RNF144A: variants seen among roughly 807,000 people sequenced by gnomAD.
The protein encoded by RNF144A is ring finger protein 144A, also known as E3 ubiquitin-protein ligase RNF144A.
RNF144A carries 11 observed loss-of-function variants against 38.7 expected under a neutral mutation model. The observed-to-expected ratio is 0.28, with a 90% CI of 0.18 to 0.47. The LOEUF (loss-of-function observed/expected upper bound fraction) is 0.47, where lower values mean the gene tolerates loss of function less well. Among genes scored for constraint, RNF144A ranks in the 20% least tolerant of loss-of-function variants. RNF144A has a pLI of 0.99. For synonymous variants in RNF144A, 149 were observed against 143.9 expected (o/e 1.04, Z -0.25); for missense variants, 316 against 377.2 (o/e 0.84, Z 1.34).
intron 6 of RNF144A, among the ~76,000 whole-genome samples, chr2:7,058,698 A>AT (rs1209109861): frequency 1.3e-5 from 2 of 152,142 alleles, no homozygotes; most frequent in Non-Finnish European, 2.9e-5. Context: ...TATGTCAGAG[A>AT]TTTTTATATT....
intron 2 of RNF144A, among the ~76,000 whole-genome samples, chr2:6,963,015 C>T (rs771921383): frequency 6.6e-6 from 1 of 152,206 alleles, no homozygotes; most frequent in Non-Finnish European, 1.5e-5. Flanking sequence ...TGAAGTCGTA[C>T]TTGGACTAGA....
downstream of RNF144A, among the ~76,000 whole-genome samples, chr2:7,070,488 G>T (rs936053199): frequency 3.3e-5 from 5 of 152,184 alleles, no homozygotes; most frequent in Non-Finnish European, 7.3e-5. Flanking sequence ...GCCTGTTGGG[G>T]ATTAAATTGT....
chr2:7,056,474 G>T (rs1046600491), intron 6 of RNF144A, among the ~76,000 whole-genome samples: 1 of 152,086 alleles, frequency 6.6e-6, no homozygotes. Context: ...ATATGTCAAT[G>T]CACTGATTTA....
intron 1 of RNF144A, among the ~76,000 whole-genome samples, chr2:6,932,199 A>G (rs1665249401): frequency 6.6e-6 from 1 of 151,982 alleles, no homozygotes; most frequent in Non-Finnish European, 1.5e-5. Context: ...TCTTGCTTTG[A>G]ACTCTGCTTT....
chr2:6,990,535 A>G (rs1445926667), intron 2 of RNF144A, among the ~76,000 whole-genome samples: 1 of 137,750 alleles, frequency 7.3e-6, no homozygotes, highest in East Asian at 2.0e-4. Context: ...ATATATTGCT[A>G]TGTATATATA....
intron 1 of RNF144A, among the ~76,000 whole-genome samples, chr2:6,920,822 C>G (rs186025584): frequency 6.6e-6 from 1 of 152,244 alleles, no homozygotes; most frequent in Admixed American, 6.5e-5. Flanking sequence ...ATTGAAGCCA[C>G]TGCTCACATA....
intron 1 of RNF144A, among the ~76,000 whole-genome samples, chr2:6,919,815 G>C (rs1368911738): frequency 1.3e-5 from 2 of 152,220 alleles, no homozygotes; most frequent in African/African-American, 4.8e-5. Flanking sequence ...TCTAATGTCA[G>C]CAACTCTGGA....
At chr2:7,002,817 A>C (rs1670197193) in intron 3 of RNF144A, among the ~76,000 whole-genome samples, 1 of 152,192 alleles carries the variant, frequency 6.6e-6, no homozygotes. Flanking sequence ...TTTAGGAGGC[A>C]TCAGAAGAAG....
In RNF144A at chr2:7,040,516, T is replaced by C; in HGVS notation, c.*756T>C. On this transcript the variant is annotated 3_prime_UTR_variant, in exon 9 of 9. Transcript: ENST00000320892. ...GTTTAAAGGAACATCTCATCTCCAT[T>C]AGATTTGCCTTTTGTTGTTTTCTCT... is the stretch of plus-strand genomic sequence containing the variant. 1 of 985,416 alleles carries C rather than the reference T, an allele frequency of 1.0e-6. No homozygotes were observed. The highest frequency in any genetic ancestry group is 1.2e-6 in the Non-Finnish European group (1 of 829,908). 61.0% of individuals were successfully genotyped at this position (985,416 alleles called of 1,614,324 possible).
At chr2:6,970,940 C>T (rs1667966748) in intron 2 of RNF144A, among the ~76,000 whole-genome samples, 1 of 152,220 alleles carries the variant, frequency 6.6e-6, no homozygotes, top group Non-Finnish European at 1.5e-5. Context: ...AAGTCATGTG[C>T]AAAACTAAAC....
intron 2 of RNF144A, among the ~76,000 whole-genome samples, chr2:6,995,300 C>T (rs1325339951): frequency 4.0e-5 from 6 of 151,408 alleles, no homozygotes; most frequent in South Asian, 2.1e-4. Flanking sequence ...TGGCACACAG[C>T]GGCATCGTCA....
At position 7,014,769 on chromosome 2, in the gene RNF144A, A is replaced by C; in HGVS notation, c.298A>C (p.Arg100=). The C allele has an allele frequency of 6.2e-7, 1 of 1,608,968 alleles. No individual in the cohort carries two copies. The highest frequency in any genetic ancestry group is 1.7e-5 in the Admixed American group (1 of 60,032). ...MQRYKKLQFE[R]EVLFDPCRTW... Reference sequence around the variant, plus strand: ...AAGATATAAAAAGCTACAATTTGAAAGAGGTAGGTGCCTGGTATATCTGCC... The same window carrying C: ...AAGATATAAAAAGCTACAATTTGAACGAGGTAGGTGCCTGGTATATCTGCC... The change falls in exon 5 of 9, where the codon AGA becomes CGA. Residue 100 remains arginine (R), a synonymous_variant. Transcript: ENST00000320892.
At chr2:7,027,539 A>C (rs1427696114) in intron 7 of RNF144A, among the ~76,000 whole-genome samples, 1 of 152,168 alleles carries the variant, frequency 6.6e-6, no homozygotes, top group African/African-American at 2.4e-5. Context: ...AAACTCTAAA[A>C]ACCACATCTT....
At chr2:7,055,299 TTTCACACACTGAATGGTTCATG>T (rs1673696352) in intron 6 of RNF144A, among the ~76,000 whole-genome samples, 1 of 152,204 alleles carries the variant, frequency 6.6e-6, no homozygotes, top group South Asian at 2.1e-4. Context: ...TGAGCTGCAG[TTTCACACACTGAATGGTTCATG>T]CTCAGTATTG....
intron 8 of RNF144A, among the ~76,000 whole-genome samples, chr2:7,030,845 G>T (rs539509338): frequency 5.9e-5 from 9 of 152,066 alleles, no homozygotes; most frequent in Admixed American, 5.2e-4. Flanking sequence ...GGAGCCCTGA[G>T]CTTGTTTTCC....
At position 6,943,506 on chromosome 2, in the gene RNF144A, A is replaced by G. The variant is rs1198470794; in HGVS notation, c.-12+2359A>G. ...TGGTGGGGTAAATAAGCTTAGGAGA[A>G]TTATTTTTCAGTTGGAAGCATTATC... is the stretch of plus-strand genomic sequence containing the variant. On this transcript the variant is annotated intron_variant, in intron 2 of 8. Coordinates refer to ENST00000320892, the MANE Select transcript of RNF144A (RefSeq NM_014746.6). The surrounding 1 kb of genome is among the most constrained non-coding windows in gnomAD (Gnocchi z 4.3). 5.3e-5 allele frequency among the ~76,000 whole-genome samples: 8 copies of G among 152,190 alleles called. No homozygotes were observed. The highest frequency in any genetic ancestry group is 1.2e-4 in the Non-Finnish European group (8 of 68,032).
chr2:6,974,371 G>A (rs1047451248), intron 2 of RNF144A, among the ~76,000 whole-genome samples: 1 of 152,178 alleles, frequency 6.6e-6, no homozygotes, highest in Non-Finnish European at 1.5e-5. Context: ...CGTGTCCGTG[G>A]TGGTGTGATA....
chr2:6,997,825 A>G (rs1669857493), intron 3 of RNF144A, among the ~76,000 whole-genome samples: 1 of 152,198 alleles, frequency 6.6e-6, no homozygotes, highest in South Asian at 2.1e-4. Context: ...AAGGGTATGA[A>G]GTTGCAGTTA....
At chr2:6,947,799 G>A (rs992845453) in intron 2 of RNF144A, among the ~76,000 whole-genome samples, 5 of 152,188 alleles carry the variant, frequency 3.3e-5, no homozygotes, top group South Asian at 2.1e-4. Context: ...CTCGAGAATC[G>A]GTGAGGCCTG....
Sources: allele counts gnomAD v4.1 joint callset (sites outside exome capture counted in the v4.1 genomes callset), GRCh38; gene constraint gnomAD v4.1.1; non-coding constraint Gnocchi (gnomAD v3.1); transcripts MANE v1.5; gene names NCBI Gene and HGNC (gene_info 2026-07-23, HGNC 2026-07-21).